SLC30A10: variants seen among roughly 807,000 people sequenced by gnomAD.
The protein encoded by SLC30A10 is calcium/manganese antiporter SLC30A10.
Under a neutral mutation model 21.7 loss-of-function variants are expected in SLC30A10, and 8 were observed. The ratio of observed to expected loss-of-function variants is 0.37; its 90% CI spans 0.22 to 0.67. SLC30A10 has a LOEUF of 0.67. Among genes scored for constraint, SLC30A10 ranks in the 30% least tolerant of loss-of-function variants. SLC30A10 has a pLI of 0.58. For synonymous variants in SLC30A10, 272 were observed against 279.4 expected (o/e 0.97, Z 0.26); for missense variants, 521 against 642.5 (o/e 0.81, Z 2.04).
intron 1 of SLC30A10, among the ~76,000 whole-genome samples, chr1:219,951,778 G>T (rs1226045699): frequency 6.6e-6 from 1 of 151,906 alleles, no homozygotes; most frequent in East Asian, 1.9e-4. Flanking sequence ...CTGTCACCCA[G>T]GTTGGAGTGT....
chr1:219,917,708 C>CTTTTTTTTTTTTTTTTTTTTTTTT (rs35106027), intron 3 of SLC30A10, among the ~76,000 whole-genome samples: 4 of 104,104 alleles, frequency 3.8e-5, no homozygotes, highest in Admixed American at 1.1e-4. Context: ...TTTTTCTTTC[C>CTTTTTTTTTTTTTTTTTTTTTTTT]TTTTTTTTTT....
Position 219,915,671 on chromosome 1 carries a change from C to T in SLC30A10, c.1236G>A (p.Gln412=). ...SPCISKGCAK[Q]LCCPPGALPL... is the part of the protein sequence containing the mutation. ...GCAGTGCCCCGGGGGGACAACACAG[C>T]TGCTTAGCACAGCCCTTGGAGATGC... Residue 412 remains glutamine, a synonymous_variant, in exon 4 of 4, where the codon CAG becomes CAA. Coordinates refer to ENST00000366926, the MANE Select transcript of SLC30A10 (RefSeq NM_018713.3). 2 of 1,614,282 alleles carry T rather than the reference C, an allele frequency of 1.2e-6. No homozygotes were observed. Among genetic ancestry groups the T allele is most frequent in the Admixed American group, 1.7e-5 (1 of 60,036 alleles).
chr1:219,927,070 T>G lies in SLC30A10; in HGVS notation c.676A>C (p.Met226Leu). The G allele has an allele frequency of 6.2e-7, 1 of 1,614,150 alleles. No individual in the cohort carries two copies. The highest frequency in any genetic ancestry group is 1.1e-5 in the South Asian group (1 of 91,068). Residue 226 changes from methionine (M) to leucine (L), a missense_variant, in exon 2 of 4, where the codon ATG becomes CTG. Physicochemically the swap from Met to Leu is conservative, Grantham distance 15 (BLOSUM62 2). Coordinates refer to ENST00000366926, the MANE Select transcript of SLC30A10 (RefSeq NM_018713.3). ...TCAGACTTTTTCTCTTTTTTCATCATGTCTTCTGGCTCATTCTGGGTGTTG... is the reference window on the plus strand; with the variant it reads ...TCAGACTTTTTCTCTTTTTTCATCAGGTCTTCTGGCTCATTCTGGGTGTTG... ...SFNTQNEPED[M>L]MKKEKKSEAL...
chr1:219,929,855 A>C (rs1391707682), upstream of SLC30A10, among the ~76,000 whole-genome samples: 1 of 152,164 alleles, frequency 6.6e-6, no homozygotes, highest in Non-Finnish European at 1.5e-5. Flanking sequence ...CTGTGTTCCA[A>C]ATAAAAGTTA....
At chr1:219,941,642 T>G (rs1462412410) in intron 1 of SLC30A10, among the ~76,000 whole-genome samples, 2 of 147,868 alleles carry the variant, frequency 1.4e-5, no homozygotes, top group Admixed American at 1.4e-4. Context: ...CCTTCCTTCC[T>G]TCCTTCTCTC....
intron 2 of SLC30A10, 122 bp downstream of exon 2, chr1:219,926,906 A>G: frequency 4.2e-6 from 3 of 709,292 alleles, no homozygotes; most frequent in Non-Finnish European, 7.4e-6. Flanking sequence ...GTCATAGTCT[A>G]TGCATGTAAC....
intron 1 of SLC30A10, among the ~76,000 whole-genome samples, chr1:219,945,157 G>T (rs1205457893): frequency 6.6e-6 from 1 of 152,146 alleles, no homozygotes. Flanking sequence ...TTAGTTTCCA[G>T]AGCATAGAGA....
intron 1 of SLC30A10, among the ~76,000 whole-genome samples, chr1:219,944,825 TAGAA>T (rs1201988658): frequency 6.6e-6 from 1 of 151,962 alleles, no homozygotes; most frequent in Non-Finnish European, 1.5e-5. Context: ...AAATAAAAAA[TAGAA>T]GGAACAAACA....
At chr1:219,934,086 A>G (rs952075754) in intron 1 of SLC30A10, among the ~76,000 whole-genome samples, 1 of 152,228 alleles carries the variant, frequency 6.6e-6, no homozygotes, top group Non-Finnish European at 1.5e-5. Context: ...CAGGAGATCG[A>G]GACCATTCTG....
intron 2 of SLC30A10, among the ~76,000 whole-genome samples, chr1:219,924,088 A>C (rs962479109): frequency 6.6e-6 from 1 of 152,102 alleles, no homozygotes; most frequent in Non-Finnish European, 1.5e-5. Flanking sequence ...AACAAACAAA[A>C]ACTCATTTTT....
rs141988020 is a variant in SLC30A10 at position 219,922,092 on chromosome 1, T to G, written c.719-3598A>C. ...TCTCAGCCTCCCAAGTATCTAGGAC[T>G]ACAGATGTGTGCCACTGCACTGGTT... On this transcript the variant is annotated intron_variant, in intron 2 of 3. Transcript: ENST00000366926. Among the ~76,000 whole-genome samples, 459 of 150,792 alleles carry G rather than the reference T, an allele frequency of 3.0e-3. 3 individuals carry two copies. Among genetic ancestry groups the G allele is most frequent in the African/African-American group, 0.011 (436 of 41,050 alleles).
upstream of SLC30A10, chr1:219,928,596 G>A (rs1659909554): frequency 3.3e-6 from 2 of 605,386 alleles, no homozygotes; most frequent in Non-Finnish European, 5.3e-6. The surrounding 1 kb of genome is among the most constrained non-coding windows in gnomAD (Gnocchi z 6.3). Context: ...TATAACGCGA[G>A]GCCGAGCGCC....
At position 219,913,892 on chromosome 1, in the gene SLC30A10, C is replaced by G. The variant is rs1041066993; in HGVS notation, c.*1557G>C. Reference sequence around the variant, plus strand: ...GGCTAGGAGTTCAAGGCCAGCTGGGCAACATAGCGAGACCCTGTCTCTACA... The same window carrying G: ...GGCTAGGAGTTCAAGGCCAGCTGGGGAACATAGCGAGACCCTGTCTCTACA... On this transcript the variant is annotated 3_prime_UTR_variant, in exon 4 of 4. Coordinates refer to ENST00000366926, the MANE Select transcript of SLC30A10 (RefSeq NM_018713.3). 7 of 151,936 alleles carry G rather than the reference C, an allele frequency of 4.6e-5. No individual in the cohort carries two copies. 9.4% of individuals were successfully genotyped at this position (151,936 alleles called of 1,614,324 possible). A position where few individuals can be genotyped will look rare whatever the true frequency, so the allele number is the denominator to read the frequency against.
rs1553311741 is a variant in SLC30A10 at position 219,911,149 on chromosome 1, G to GTTTTTTTTTTGTTTTTTTTTT, written c.*4299_*4300insAAAAAAAAAACAAAAAAAAAA. Among the ~76,000 whole-genome samples the GTTTTTTTTTTGTTTTTTTTTT allele has an allele frequency of 1.3e-3, 63 of 49,404 alleles. No homozygotes were observed. Among genetic ancestry groups the GTTTTTTTTTTGTTTTTTTTTT allele is most frequent in the Non-Finnish European group, 2.0e-3 (44 of 22,426 alleles). 32.4% of individuals were successfully genotyped at this position (49,404 alleles called of 152,430 possible). The stretch of plus-strand genomic sequence containing the variant: ...ATGTTTCTTCATTTTTTCTACATCA[G>GTTTTTTTTTTGTTTTTTTTTT]TTTTTTTTTTTTTTTTTTTTTTTTT... On this transcript the variant is annotated 3_prime_UTR_variant, in exon 4 of 4. Transcript: ENST00000366926.
At chr1:219,942,555 G>C (rs1042648052) in intron 1 of SLC30A10, among the ~76,000 whole-genome samples, 2 of 152,208 alleles carry the variant, frequency 1.3e-5, no homozygotes, top group Non-Finnish European at 2.9e-5. Context: ...TCTTCATGTG[G>C]TAATGCAGTC....
rs767055908 is a variant in SLC30A10, at chr1:219,928,026, C to T, written c.415G>A (p.Ala139Thr). The T allele has an allele frequency of 2.5e-6, 4 of 1,577,012 alleles. No homozygotes were observed. In the African/African-American group the frequency reaches 4.1e-5, roughly 16 times the overall value. ...VGLLIFQDCAAWFACCLRGRS... is the reference protein window; with the variant it reads ...VGLLIFQDCATWFACCLRGRS... Reference sequence around the variant, plus strand: ...CCCCGGAGGCAGCACGCGAACCAGGCGGCGCAGTCCTGGAAGATGAGCAGC... The same window carrying T: ...CCCCGGAGGCAGCACGCGAACCAGGTGGCGCAGTCCTGGAAGATGAGCAGC... Residue 139 changes from alanine to threonine, a missense_variant, in exon 1 of 4, where the codon GCC (alanine) becomes ACC (threonine). By Grantham distance (58) the Ala-to-Thr change is moderately conservative. Transcript: ENST00000366926. This position sits in a 1 kb window ranked among gnomAD's most constrained non-coding sequence, Gnocchi z 6.3.
At chr1:219,935,153 C>G (rs918567477) in intron 1 of SLC30A10, among the ~76,000 whole-genome samples, 1 of 152,128 alleles carries the variant, frequency 6.6e-6, no homozygotes, top group Non-Finnish European at 1.5e-5. Flanking sequence ...AAAAGAACTA[C>G]AAGTTGCAAG....
chr1:219,948,286 AAG>A (rs909494814), intron 1 of SLC30A10, among the ~76,000 whole-genome samples: 23 of 151,174 alleles, frequency 1.5e-4, no homozygotes, highest in Non-Finnish European at 2.8e-4. Context: ...GGAACCAAAA[AAG>A]AGCCCGCATC....
chr1:219,918,534 T>G lies in SLC30A10; in HGVS notation c.719-40A>C. On this transcript the variant is annotated intron_variant, in intron 2 of 3. Transcript: ENST00000366926. This position sits in a 1 kb window ranked among gnomAD's most constrained non-coding sequence, Gnocchi z 4.4. ...GACTACTGCAGCACAGATGCAAATC[T>G]GGAAGCCACGTGACACTCACTGACT... The G allele has an allele frequency of 2.0e-6, 3 of 1,535,916 alleles. No individual in the cohort carries two copies. The highest frequency in any genetic ancestry group is 1.3e-5 in the South Asian group (1 of 77,854).
Sources: gnomAD v4.1 joint callset for allele counts (sites outside exome capture counted in the v4.1 genomes callset) on GRCh38, gnomAD v4.1.1 for gene constraint, Gnocchi (gnomAD v3.1) non-coding constraint, MANE v1.5 for transcripts, NCBI Gene and HGNC (gene_info 2026-07-23, HGNC 2026-07-21) for gene names.